The following CACTIN variants were observed in gnomAD, a reference collection of about 807,000 sequenced individuals.
The protein encoded by CACTIN is splicing factor Cactin.
Under a neutral mutation model 84.9 loss-of-function variants are expected in CACTIN, and 20 were observed. That is an observed-to-expected ratio of 0.24 (90% CI 0.17 to 0.34). CACTIN has a LOEUF of 0.34. CACTIN is among the 10% of genes least tolerant of loss of function. The pLI is 1.00. For missense variants in CACTIN, 897 were observed against 1,117.2 expected (o/e 0.80, Z 2.81); for synonymous variants, 549 against 467.9 (o/e 1.17, Z -2.24).
rs1157518353 is a variant in CACTIN at position 3,615,563 on chromosome 19, G to A, written c.1163-974C>T. ...TCAGTGAGAACATCCCTTCCGCCAG[G>A]AAGCCCTCCCTGACCATCCAGCGAT... On this transcript the variant is annotated intron_variant, in intron 6 of 9. Coordinates refer to ENST00000429344, the MANE Select transcript of CACTIN (RefSeq NM_001080543.2). This position sits in a 1 kb window ranked among gnomAD's most constrained non-coding sequence, Gnocchi z 5.2. 2 of 152,384 alleles carry A rather than the reference G, an allele frequency of 1.3e-5. No individual in the cohort carries two copies. Among genetic ancestry groups the A allele is most frequent in the African/African-American group, 4.8e-5 (2 of 41,442 alleles). 9.4% of individuals were successfully genotyped at this position (152,384 alleles called of 1,614,324 possible). A position where few individuals can be genotyped will look rare whatever the true frequency, so the allele number is the denominator to read the frequency against.
intron 2 of CACTIN, chr19:3,621,149 A>C (rs746472390): frequency 7.3e-6 from 3 of 410,384 alleles, no homozygotes; most frequent in Admixed American, 3.7e-5. Flanking sequence ...GGGCCTGCTG[A>C]CTCGCTTTAC....
rs552421688 is a variant in CACTIN at position 3,624,502 on chromosome 19, C to T, written c.168-340G>A. ...AGGTCTGGAGGGAGTGGGGAGGCAGCGATGGGTGGATTCGGAGGGAGAGTG... is the reference window on the plus strand; with the variant it reads ...AGGTCTGGAGGGAGTGGGGAGGCAGTGATGGGTGGATTCGGAGGGAGAGTG... On this transcript the variant is annotated intron_variant, in intron 1 of 9. Coordinates refer to ENST00000429344, the MANE Select transcript of CACTIN (RefSeq NM_001080543.2). Among the ~76,000 whole-genome samples, 6 of 152,108 alleles carry T rather than the reference C, an allele frequency of 3.9e-5. No individual in the cohort carries two copies. The South Asian group carries it at 6.2e-4, about 16-fold the overall frequency.
At chr19:3,616,143 G>A (rs2033101966) in intron 6 of CACTIN, 3 of 152,204 alleles carry the variant, frequency 2.0e-5, no homozygotes. Flanking sequence ...TGGGGGTGCA[G>A]GCCAAGGGCC....
At chr19:3,625,455 C>T (rs1291598805) in intron 1 of CACTIN, among the ~76,000 whole-genome samples, 2 of 152,104 alleles carry the variant, frequency 1.3e-5, no homozygotes, top group East Asian at 3.8e-4. Flanking sequence ...TATGGGCAGG[C>T]GCGGTGGCTC....
chr19:3,612,948 AGCAGCTCCCCACTGACGCCAGCGG>A, intron 9 of CACTIN, 86 bp downstream of exon 9: 5 of 1,302,092 alleles, frequency 3.8e-6, no homozygotes, highest in Non-Finnish European at 5.3e-6. Flanking sequence ...AGAAGCAGCA[AGCAGCTCCCCACTGACGCCAGCGG>A]CTTCGGCCGG....
chr19:3,614,312 G>A lies in CACTIN; in HGVS notation c.1355+85C>T, dbSNP rs1173867339. On this transcript the variant is annotated intron_variant, in intron 7 of 9. Transcript: ENST00000429344. ...CCCACATGGTCCCAGGAGGAGGCGAGACCCACCCCACCCAGGACTCAGGAG... is the reference window on the plus strand; with the variant it reads ...CCCACATGGTCCCAGGAGGAGGCGAAACCCACCCCACCCAGGACTCAGGAG... The A allele has an allele frequency of 2.2e-6, 3 of 1,364,006 alleles. No individual in the cohort carries two copies. The African/African-American group carries it at 4.3e-5, about 20-fold the overall frequency. The allele number at this position is 1,364,006 out of a possible 1,614,324, so 84.5% of individuals were successfully genotyped here. A position where few individuals can be genotyped will look rare whatever the true frequency, so the allele number is the denominator to read the frequency against.
intron 7 of CACTIN, 141 bp downstream of exon 7, chr19:3,614,256 G>C (rs1025982536): frequency 4.5e-6 from 4 of 882,870 alleles, no homozygotes; most frequent in Non-Finnish European, 7.0e-6. Context: ...GGCTGGCCCC[G>C]GCCAGTCGGC....
chr19:3,626,659 C>T lies in CACTIN; in HGVS notation c.104G>A (p.Arg35Gln), dbSNP rs764867647. ...CTCGTCCTCCCGGCGCCGTCGGTTT[C>T]GCCGCCCATGGCTCCTGCTCCGACT... ...SRSRSRSHGRRNRRRREDEGR... is the reference protein window; with the variant it reads ...SRSRSRSHGRQNRRRREDEGR... The change falls in exon 1 of 10, where the codon CGA becomes CAA. Residue 35 changes from arginine to glutamine, a missense_variant. By Grantham distance (43) the Arg-to-Gln change is conservative. Around this residue, in one of 8 missense-constraint regions of CACTIN, gnomAD observed 261 missense variants for 243.8 expected, o/e 1.07. Transcript: ENST00000429344. 2.6e-6 allele frequency: 4 copies of T among 1,534,466 alleles called. No homozygotes were observed.
In CACTIN at chr19:3,620,212, T is replaced by C. The variant is rs1424739932; in HGVS notation, c.799A>G (p.Met267Val). 6.2e-7 allele frequency: 1 copy of C among 1,607,650 alleles called. No individual in the cohort carries two copies. The highest frequency in any genetic ancestry group is 1.3e-5 in the African/African-American group (1 of 74,974). Reference sequence around the variant, plus strand: ...TCTGCCTCCTTCTCGCGCTGCAGCATCTCCAGCTCCTGCTCGCGCATGGCC... The same window carrying C: ...TCTGCCTCCTTCTCGCGCTGCAGCACCTCCAGCTCCTGCTCGCGCATGGCC... ...EKAMREQELEMLQREKEAEHF... is the reference protein window; with the variant it reads ...EKAMREQELEVLQREKEAEHF... The change falls in exon 4 of 10, where the codon ATG becomes GTG. Residue 267 changes from methionine to valine, a missense_variant. This residue lies in a region of CACTIN where 304 missense variants were observed against 444.3 expected (regional missense o/e 0.68). Transcript: ENST00000429344.
At chr19:3,624,270 A>T in intron 1 of CACTIN, 108 bp from the exon 2 acceptor site, 2 of 1,041,634 alleles carry the variant, frequency 1.9e-6, no homozygotes, top group Non-Finnish European at 2.8e-6. Flanking sequence ...GGTTCTGGGG[A>T]CACAGCAGTG....
At chr19:3,616,243 A>C (rs4806944) in intron 6 of CACTIN, 77,018 of 152,016 alleles carry the variant, frequency 0.51, 20,440 homozygotes, top group Admixed American at 0.59. Context: ...CTACTGCACA[A>C]CCTCCTGTAG....
Position 3,611,021 on chromosome 19 carries a change from C to T in CACTIN, c.*902G>A, listed in dbSNP as rs1014868199. 1.6e-5 allele frequency: 7 copies of T among 447,646 alleles called. No individual in the cohort carries two copies. The highest frequency in any genetic ancestry group is 4.7e-5 in the South Asian group (3 of 63,964). The allele number at this position is 447,646 out of a possible 1,614,324, so 27.7% of individuals were successfully genotyped here. On this transcript the variant is annotated 3_prime_UTR_variant, in exon 10 of 10. Coordinates refer to ENST00000429344, the MANE Select transcript of CACTIN (RefSeq NM_001080543.2). ...CCACTGTCCTGATATGGGCAAAACT[C>T]GGGGTCACTGGTCTCATGCTCCAAG...
intron 2 of CACTIN, among the ~76,000 whole-genome samples, chr19:3,622,559 C>T (rs915597994): frequency 2.0e-5 from 3 of 152,118 alleles, no homozygotes; most frequent in African/African-American, 4.8e-5. Flanking sequence ...AGGAACAGGC[C>T]GGGTTCTGCG....
In CACTIN at chr19:3,615,492, CCTT is replaced by C. The variant is rs1238333904; in HGVS notation, c.1163-906_1163-904del. 2 of 152,736 alleles carry C rather than the reference CCTT, an allele frequency of 1.3e-5. No individual in the cohort carries two copies. Among genetic ancestry groups the C allele is most frequent in the African/African-American group, 4.8e-5 (2 of 41,462 alleles). The allele number at this position is 152,736 out of a possible 1,614,324, so 9.5% of individuals were successfully genotyped here. On this transcript the variant is annotated intron_variant, in intron 6 of 9. Coordinates refer to ENST00000429344, the MANE Select transcript of CACTIN (RefSeq NM_001080543.2). This position sits in a 1 kb window ranked among gnomAD's most constrained non-coding sequence, Gnocchi z 5.2. The stretch of plus-strand genomic sequence containing the variant: ...ACTGTGCTTCCTGCCAGCTACCCAT[CCTT>C]CTCTGTCCCATTCGCTTCCTGAATT...
chr19:3,614,907 G>A, intron 6 of CACTIN: 1 of 432,850 alleles, frequency 2.3e-6, no homozygotes, highest in Non-Finnish European at 4.3e-6. Flanking sequence ...CTGATATGTG[G>A]GTCTGGGAAC....
intron 9 of CACTIN, chr19:3,612,820 C>T (rs1183380759): frequency 1.4e-6 from 1 of 711,042 alleles, no homozygotes; most frequent in Admixed American, 2.0e-5. Flanking sequence ...GGACAGCGGC[C>T]GGTAAAAGCT....
chr19:3,621,577 A>T (rs570127892), intron 2 of CACTIN, among the ~76,000 whole-genome samples: 2 of 152,230 alleles, frequency 1.3e-5, no homozygotes, highest in South Asian at 4.2e-4. Flanking sequence ...GGCCGCTTCC[A>T]CAGGCGTCAA....
intron 6 of CACTIN, among the ~76,000 whole-genome samples, chr19:3,618,613 G>T (rs1210643170): frequency 3.9e-5 from 6 of 152,200 alleles, no homozygotes; most frequent in Non-Finnish European, 8.8e-5. Context: ...CCATAAGGCC[G>T]GCACCGCCGA....
chr19:3,611,123 C>T lies in CACTIN; in HGVS notation c.*800G>A, dbSNP rs1203650099. ...TCTCCAACCCCCAGCCTTCGGGGAG[C>T]CCCTGCCCTCCAGGCCCTGTGCTCA... On this transcript the variant is annotated 3_prime_UTR_variant, in exon 10 of 10. Coordinates refer to ENST00000429344, the MANE Select transcript of CACTIN (RefSeq NM_001080543.2). 5.2e-6 allele frequency: 2 copies of T among 381,840 alleles called. No individual in the cohort carries two copies. The highest frequency in any genetic ancestry group is 1.0e-5 in the Non-Finnish European group (2 of 190,972). 23.7% of individuals were successfully genotyped at this position (381,840 alleles called of 1,614,324 possible). A position where few individuals can be genotyped will look rare whatever the true frequency, so the allele number is the denominator to read the frequency against.
Sources: gnomAD v4.1 joint callset for allele counts (sites outside exome capture counted in the v4.1 genomes callset) on GRCh38, gnomAD v4.1.1 for gene constraint, gnomAD v4.1.1 regional missense constraint, Gnocchi (gnomAD v3.1) non-coding constraint, MANE v1.5 for transcripts, NCBI Gene and HGNC (gene_info 2026-07-23, HGNC 2026-07-21) for gene names.